Variants in CCDC146 observed in about 807,000 individuals in gnomAD.
CCDC146 encodes coiled-coil domain containing 146, also known as coiled-coil domain-containing protein 146.
In CCDC146, 92 loss-of-function variants were observed where a neutral mutation model predicts 119.3. The ratio of observed to expected loss-of-function variants is 0.77; its 90% CI spans 0.65 to 0.92. The LOEUF is 0.92. CCDC146 is among the 40% of genes least tolerant of loss of function. CCDC146 has a pLI of 0.00. For missense variants in CCDC146, 1,000 were observed against 1,103.0 expected, an observed-to-expected ratio of 0.91 and a Z score of 1.32; for synonymous variants, 372 against 371.8, an observed-to-expected ratio of 1.00 and a Z score of -0.01.
At chr7:77,226,891 G>A (rs962257379) in intron 2 of CCDC146, among the ~76,000 whole-genome samples, 9 of 152,174 alleles carry the variant, frequency 5.9e-5, no homozygotes, top group Admixed American at 2.6e-4. Flanking sequence ...ACCAGGGATC[G>A]ACCTGCTTAA....
At chr7:77,145,888 T>C (rs1237676974) in intron 1 of CCDC146, among the ~76,000 whole-genome samples, 2 of 152,176 alleles carry the variant, frequency 1.3e-5, no homozygotes, top group Non-Finnish European at 2.9e-5. Context: ...GAAGAATGTA[T>C]ATTCTGTTGA....
intron 11 of CCDC146, among the ~76,000 whole-genome samples, chr7:77,278,233 C>G (rs73375428): frequency 0.35 from 53,788 of 151,914 alleles, 10,416 homozygotes; most frequent in African/African-American, 0.5. Context: ...CACTCTTCCT[C>G]TCTCTCAAAA....
intron 4 of CCDC146, among the ~76,000 whole-genome samples, chr7:77,250,828 CTT>C (rs145334670): frequency 6.8e-5 from 9 of 133,206 alleles, no homozygotes; most frequent in African/African-American, 2.0e-4. Flanking sequence ...TTTTCCTAGT[CTT>C]TTTTTTTTTT....
At chr7:77,294,265 T>G (rs2150561858) in intron 18 of CCDC146, among the ~76,000 whole-genome samples, 1 of 152,266 alleles carries the variant, frequency 6.6e-6, no homozygotes, top group South Asian at 2.1e-4. Flanking sequence ...TGACAGATAT[T>G]GAGGTGGAAA....
chr7:77,201,948 A>G (rs369559786), intron 2 of CCDC146, among the ~76,000 whole-genome samples: 4 of 152,332 alleles, frequency 2.6e-5, no homozygotes, highest in South Asian at 4.1e-4. Flanking sequence ...GTAGAAATAT[A>G]TAGGAATGAT....
At chr7:77,250,206 G>T (rs1054270401) in intron 4 of CCDC146, among the ~76,000 whole-genome samples, 6 of 152,072 alleles carry the variant, frequency 3.9e-5, no homozygotes, top group African/African-American at 1.4e-4. Flanking sequence ...TTATAAATTT[G>T]AACAGTGTTA....
intron 10 of CCDC146, among the ~76,000 whole-genome samples, chr7:77,274,147 CA>C (rs1236005031): frequency 6.6e-6 from 1 of 152,164 alleles, no homozygotes; most frequent in East Asian, 1.9e-4. Flanking sequence ...AGTCTAAATA[CA>C]AAGAGGTTCT....
Position 77,196,899 on chromosome 7 carries a change from T to G in CCDC146, c.156+29075T>G. The G allele has an allele frequency of 3.1e-6, 5 of 1,614,026 alleles. No homozygotes were observed. The highest frequency in any genetic ancestry group is 1.3e-5 in the African/African-American group (1 of 75,032). ...CAGTAAACTTCAAAGCTACTATTTT[T>G]GGGATCAGGTGTAACTCTGTAGGTC... On this transcript the variant is annotated intron_variant, in intron 2 of 18. Transcript: ENST00000285871. This position sits in a 1 kb window ranked among gnomAD's most constrained non-coding sequence, Gnocchi z 4.2.
chr7:77,131,936 T>C (rs1272029611), intron 1 of CCDC146, among the ~76,000 whole-genome samples: 2 of 152,214 alleles, frequency 1.3e-5, no homozygotes, highest in African/African-American at 2.4e-5. Context: ...GAATTTACTT[T>C]GGGCCAAGGG....
At chr7:77,259,307 A>G in intron 7 of CCDC146, 1 of 386,662 alleles carries the variant, frequency 2.6e-6, no homozygotes, top group Non-Finnish European at 4.6e-6. Flanking sequence ...CAATTTATAA[A>G]TCATATTTTT....
chr7:77,146,517 C>T (rs1791022216), intron 1 of CCDC146, among the ~76,000 whole-genome samples: 1 of 152,136 alleles, frequency 6.6e-6, no homozygotes, highest in Non-Finnish European at 1.5e-5. Flanking sequence ...ATGGTCTTTA[C>T]AATTTGGCAT....
intron 1 of CCDC146, among the ~76,000 whole-genome samples, chr7:77,143,226 T>C (rs1584020930): frequency 6.6e-6 from 1 of 151,912 alleles, no homozygotes; most frequent in East Asian, 1.9e-4. Context: ...TTGAGAAGTG[T>C]CTGTTCATAT....
rs1486136176 is a variant in CCDC146, at chr7:77,123,672, C to A, written c.-12+940C>A. ...AAAAATTGAAGCCCTTACCCAAGTA[C>A]AATGACCAGAATTCTTGGGGCTATC... On this transcript the variant is annotated intron_variant, in intron 1 of 18. Coordinates refer to ENST00000285871, the MANE Select transcript of CCDC146 (RefSeq NM_020879.3). Among the ~76,000 whole-genome samples the A allele has an allele frequency of 3.3e-5, 5 of 152,114 alleles. No homozygotes were observed. The East Asian group carries it at 7.7e-4, about 23-fold the overall frequency.
intron 4 of CCDC146, chr7:77,246,563 C>G (rs2150495598): frequency 6.6e-6 from 1 of 152,156 alleles, no homozygotes; most frequent in African/African-American, 2.4e-5. Context: ...GGCATAGAAA[C>G]AGAAACATGT....
At chr7:77,194,946 T>G (rs1791837803) in intron 2 of CCDC146, 1 of 152,178 alleles carries the variant, frequency 6.6e-6, no homozygotes, top group Non-Finnish European at 1.5e-5. Context: ...ATCTTTTAGT[T>G]TCTGATAGTA....
chr7:77,197,884 A>C (rs936471367), intron 2 of CCDC146, among the ~76,000 whole-genome samples: 2 of 152,202 alleles, frequency 1.3e-5, no homozygotes, highest in African/African-American at 4.8e-5. Context: ...TCAGTTAACA[A>C]AGTTCTGTAT....
chr7:77,173,972 A>G (rs1791465146), intron 2 of CCDC146, among the ~76,000 whole-genome samples: 5 of 152,140 alleles, frequency 3.3e-5, no homozygotes, highest in Admixed American at 2.0e-4. Flanking sequence ...AGAGTTAAAT[A>G]TCTCCTTTAA....
chr7:77,147,731 G>C (rs1791043420), intron 1 of CCDC146, among the ~76,000 whole-genome samples: 1 of 152,204 alleles, frequency 6.6e-6, no homozygotes, highest in African/African-American at 2.4e-5. Context: ...AGCGAATATT[G>C]CTGAACAGCA....
chr7:77,133,262 C>A (rs1454213366), intron 1 of CCDC146, among the ~76,000 whole-genome samples: 1 of 152,194 alleles, frequency 6.6e-6, no homozygotes, highest in Non-Finnish European at 1.5e-5. Context: ...CCTCCAACAA[C>A]AGGCATCTGT....
Sources: allele counts gnomAD v4.1 joint callset (sites outside exome capture counted in the v4.1 genomes callset), GRCh38; gene constraint gnomAD v4.1.1; non-coding constraint Gnocchi (gnomAD v3.1); transcripts MANE v1.5; gene names NCBI Gene and HGNC (gene_info 2026-07-23, HGNC 2026-07-21).